The following HIVEP3 variants were observed in gnomAD, a reference collection of about 807,000 sequenced individuals.
HIVEP3 encodes HIVEP zinc finger 3.
HIVEP3 carries 49 observed loss-of-function variants against 152.8 expected under a neutral mutation model. That is an observed-to-expected ratio of 0.32 (90% CI 0.26 to 0.41). The LOEUF is 0.41. Among genes scored for constraint, HIVEP3 ranks in the 10% least tolerant of loss-of-function variants. The probability of loss-of-function intolerance (pLI) is 1.00; values close to 1 mark genes in which losing one functional copy is unlikely to be tolerated. For synonymous variants in HIVEP3, 1,269 were observed against 1,289.0 expected (o/e 0.98, Z 0.33); for missense variants, 2,790 against 3,103.3 (o/e 0.90, Z 2.40).
At chr1:41,539,936 T>C (rs1643487400) in intron 5 of HIVEP3, among the ~76,000 whole-genome samples, 2 of 152,248 alleles carry the variant, frequency 1.3e-5, no homozygotes, top group African/African-American at 2.4e-5. Flanking sequence ...TACAATTCTA[T>C]GATGACAGTG....
chr1:41,616,294 T>C (rs1644967020), intron 3 of HIVEP3, among the ~76,000 whole-genome samples: 1 of 152,234 alleles, frequency 6.6e-6, no homozygotes, highest in African/African-American at 2.4e-5. Context: ...CAATGGGCAG[T>C]GCTGTAGAAT....
intron 1 of HIVEP3, among the ~76,000 whole-genome samples, chr1:41,727,847 C>T (rs1036956402): frequency 6.6e-6 from 1 of 152,196 alleles, no homozygotes; most frequent in Non-Finnish European, 1.5e-5. Context: ...TCTCTAGTAC[C>T]CAGTTTCCTA....
At chr1:41,602,954 T>A (rs1644767870) in intron 3 of HIVEP3, among the ~76,000 whole-genome samples, 1 of 152,116 alleles carries the variant, frequency 6.6e-6, no homozygotes, top group African/African-American at 2.4e-5. Context: ...AATTTCTTTT[T>A]TGATTTCTTC....
At chr1:42,003,774 G>A (rs1645442187) in intron 1 of HIVEP3, among the ~76,000 whole-genome samples, 1 of 148,222 alleles carries the variant, frequency 6.7e-6, no homozygotes, top group Admixed American at 6.7e-5. Flanking sequence ...ATAGGCAAAT[G>A]TCTTTTTAGG....
At chr1:41,593,306 T>C (rs1468194331) in intron 3 of HIVEP3, among the ~76,000 whole-genome samples, 1 of 152,210 alleles carries the variant, frequency 6.6e-6, no homozygotes, top group Non-Finnish European at 1.5e-5. Context: ...TATATTGATC[T>C]GCGACTTGTT....
intron 2 of HIVEP3, among the ~76,000 whole-genome samples, chr1:41,639,908 C>A (rs561315224): frequency 3.3e-5 from 5 of 152,084 alleles, no homozygotes; most frequent in Non-Finnish European, 5.9e-5. Context: ...TCATTGATAG[C>A]GACAAGACCT....
chr1:41,762,415 C>T (rs1290023238), intron 1 of HIVEP3, among the ~76,000 whole-genome samples: 1 of 152,224 alleles, frequency 6.6e-6, no homozygotes, highest in East Asian at 1.9e-4. Context: ...CCACCCCATG[C>T]AGCAGGAAGC....
At chr1:41,713,194 C>A (rs946157221) in intron 1 of HIVEP3, among the ~76,000 whole-genome samples, 1 of 152,168 alleles carries the variant, frequency 6.6e-6, no homozygotes, top group African/African-American at 2.4e-5. Flanking sequence ...TGTCCTCCCA[C>A]CCCCGATCTG....
chr1:41,614,341 G>T (rs75376092), intron 3 of HIVEP3, among the ~76,000 whole-genome samples: 3,690 of 152,292 alleles, frequency 0.024, 151 homozygotes, highest in African/African-American at 0.084. Context: ...TTTCTGAGAT[G>T]ATCTCAAAGC....
chr1:41,920,702 G>T (rs1457061317), upstream of HIVEP3, among the ~76,000 whole-genome samples: 1 of 152,032 alleles, frequency 6.6e-6, no homozygotes, highest in Admixed American at 6.6e-5. Flanking sequence ...AATTCAGAAG[G>T]TGATTCGAGT....
At chr1:41,566,652 G>T (rs530592505) in intron 5 of HIVEP3, among the ~76,000 whole-genome samples, 1 of 152,048 alleles carries the variant, frequency 6.6e-6, no homozygotes, top group African/African-American at 2.4e-5. Context: ...TGGAAACAGC[G>T]CCCATCAGTC....
intron 1 of HIVEP3, among the ~76,000 whole-genome samples, chr1:41,722,403 GCCTTCCTTCCTTCCTTCCTT>G: frequency 8.8e-6 from 1 of 113,054 alleles, no homozygotes; most frequent in Non-Finnish European, 1.8e-5. Context: ...AATTTGGCTG[GCCTTCCTTCCTTCCTTCCTT>G]CCTTCCTTCC....
At position 41,859,395 on chromosome 1, in the gene HIVEP3, A is replaced by G. The variant is rs141029971; in HGVS notation, c.-801+59018T>C. 3.2e-3 allele frequency among the ~76,000 whole-genome samples: 493 copies of G among 152,384 alleles called. 1 individual carries two copies. Among genetic ancestry groups the G allele is most frequent in the African/African-American group, 0.011 (473 of 41,590 alleles). ...TTCGTAAACAATTTTTTCTAATTAT[A>G]AAAGTAATGTCATGTCTTCAATATT... On this transcript the variant is annotated intron_variant, in intron 1 of 8. Coordinates refer to ENST00000372583, the MANE Select transcript of HIVEP3 (RefSeq NM_024503.5).
At chr1:41,793,003 C>T (rs1321360839) in intron 1 of HIVEP3, among the ~76,000 whole-genome samples, 1 of 152,148 alleles carries the variant, frequency 6.6e-6, no homozygotes, top group East Asian at 1.9e-4. Context: ...TGTGAATGGC[C>T]ACCATATGGA....
intron 5 of HIVEP3, among the ~76,000 whole-genome samples, chr1:41,527,184 A>T (rs1166582623): frequency 7.6e-5 from 7 of 92,706 alleles, no homozygotes; most frequent in Non-Finnish European, 1.5e-4. Flanking sequence ...ACACCCACTC[A>T]CCTTCACTCC....
chr1:41,994,992 A>T (rs191095362), intron 1 of HIVEP3, among the ~76,000 whole-genome samples: 28 of 152,330 alleles, frequency 1.8e-4, no homozygotes, highest in South Asian at 4.1e-4. Context: ...AAAGACAGAC[A>T]GTAACAAAAA....
At chr1:41,783,242 TG>T (rs1409541018) in intron 1 of HIVEP3, among the ~76,000 whole-genome samples, 1 of 151,880 alleles carries the variant, frequency 6.6e-6, no homozygotes, top group African/African-American at 2.4e-5. Context: ...GTGTGGGTGT[TG>T]GGGCCAGGAG....
chr1:41,617,814 A>G (rs553528063), intron 3 of HIVEP3, among the ~76,000 whole-genome samples: 1 of 152,304 alleles, frequency 6.6e-6, no homozygotes, highest in African/African-American at 2.4e-5. Flanking sequence ...ATCATAAGAA[A>G]CTGGAGTTCA....
intron 1 of HIVEP3, among the ~76,000 whole-genome samples, chr1:41,806,412 G>T (rs751206044): frequency 6.6e-6 from 1 of 152,230 alleles, no homozygotes; most frequent in African/African-American, 2.4e-5. Context: ...CACAGTGGTT[G>T]ACAGATTGAA....
Sources: gnomAD v4.1 joint callset for allele counts (sites outside exome capture counted in the v4.1 genomes callset) on GRCh38, gnomAD v4.1.1 for gene constraint, MANE v1.5 for transcripts, NCBI Gene and HGNC (gene_info 2026-07-23, HGNC 2026-07-21) for gene names.